The following PTPRG variants were observed in gnomAD, a reference collection of about 807,000 sequenced individuals.
The protein encoded by PTPRG is protein tyrosine phosphatase receptor type G.
PTPRG carries 102 observed loss-of-function variants against 165.3 expected under a neutral mutation model. That is an observed-to-expected ratio of 0.62 (90% CI 0.53 to 0.73). PTPRG has a LOEUF of 0.73. PTPRG is among the 30% of genes least tolerant of loss of function. The pLI is 0.00. For missense variants in PTPRG, 1,866 were observed against 1,861.4 expected (o/e 1.00, Z -0.05); for synonymous variants, 675 against 669.5 (o/e 1.01, Z -0.13).
At chr3:61,954,096 T>G (rs757833306) in intron 2 of PTPRG, among the ~76,000 whole-genome samples, 10 of 152,162 alleles carry the variant, frequency 6.6e-5, no homozygotes, top group Admixed American at 1.3e-4. Context: ...TTGAGAGTAA[T>G]TTTGACGATG....
chr3:61,796,265 G>C (rs900455457), intron 2 of PTPRG, among the ~76,000 whole-genome samples: 1 of 152,182 alleles, frequency 6.6e-6, no homozygotes, highest in African/African-American at 2.4e-5. Context: ...AACTCGTTAG[G>C]TTTCCTGAGC....
Position 61,749,085 on chromosome 3 carries a change from G to T in PTPRG, c.190+103G>T, listed in dbSNP as rs539710634. The T allele has an allele frequency of 2.3e-5, 22 of 958,416 alleles. No homozygotes were observed. In the East Asian group the frequency reaches 5.2e-4, roughly 22 times the overall value. 59.4% of individuals were successfully genotyped at this position (958,416 alleles called of 1,614,324 possible). On this transcript the variant is annotated intron_variant, in intron 2 of 29. Coordinates refer to ENST00000474889, the MANE Select transcript of PTPRG (RefSeq NM_002841.4). The stretch of plus-strand genomic sequence containing the variant: ...TCACTTTTATGCCTGAGTTCTGTTT[G>T]CTCAAATCTTTCGTAGTTCACTAAA...
chr3:61,738,258 TTA>T (rs1206672812), intron 1 of PTPRG, among the ~76,000 whole-genome samples: 22 of 8,652 alleles, frequency 2.5e-3, no homozygotes, highest in Admixed American at 9.6e-3. Flanking sequence ...TTGTCCATTT[TTA>T]TATATATATA....
intron 5 of PTPRG, among the ~76,000 whole-genome samples, chr3:62,084,989 G>T (rs563074206): frequency 2.0e-5 from 3 of 152,088 alleles, no homozygotes; most frequent in African/African-American, 7.2e-5. Context: ...TAGCTTATTA[G>T]CTACAAATTA....
chr3:61,719,386 G>A (rs1384529201), intron 1 of PTPRG, among the ~76,000 whole-genome samples: 1 of 152,138 alleles, frequency 6.6e-6, no homozygotes. Context: ...GACTGGTGTC[G>A]AGGTCTTTTC....
chr3:61,726,367 CAT>C (rs1559576631), intron 1 of PTPRG, among the ~76,000 whole-genome samples: 18 of 151,948 alleles, frequency 1.2e-4, no homozygotes, highest in East Asian at 9.7e-4. Flanking sequence ...GTTGAAAATA[CAT>C]AGGATTTGGT....
At position 62,150,745 on chromosome 3, in the gene PTPRG, T is replaced by C. The variant is rs143145509; in HGVS notation, c.683-6322T>C. Among the ~76,000 whole-genome samples, 11 of 152,322 alleles carry C rather than the reference T, an allele frequency of 7.2e-5. No individual in the cohort carries two copies. The East Asian group carries it at 2.1e-3, about 29-fold the overall frequency. On this transcript the variant is annotated intron_variant, in intron 6 of 29. Coordinates refer to ENST00000474889, the MANE Select transcript of PTPRG (RefSeq NM_002841.4). ...CTAAAAACAGAAGCTTGGGCTTTCA[T>C]ACACTTTCCTAAAATTAATTGGTCC...
intron 1 of PTPRG, among the ~76,000 whole-genome samples, chr3:61,747,764 T>C (rs2033267717): frequency 6.6e-6 from 1 of 152,228 alleles, no homozygotes; most frequent in Non-Finnish European, 1.5e-5. Flanking sequence ...TTCAATTGAA[T>C]ATACAGCTTC....
At chr3:61,672,310 G>A (rs1298012996) in intron 1 of PTPRG, among the ~76,000 whole-genome samples, 9 of 145,576 alleles carry the variant, frequency 6.2e-5, no homozygotes. Flanking sequence ...TCACTTCCCA[G>A]ACGGGGTGGC....
Position 62,271,297 on chromosome 3 carries a change from G to C in PTPRG, c.3010-86G>C. The C allele has an allele frequency of 1.7e-6, 2 of 1,157,400 alleles. No individual in the cohort carries two copies. Among genetic ancestry groups the C allele is most frequent in the Non-Finnish European group, 2.5e-6 (2 of 811,966 alleles). 71.7% of individuals were successfully genotyped at this position (1,157,400 alleles called of 1,614,324 possible). A position where few individuals can be genotyped will look rare whatever the true frequency, so the allele number is the denominator to read the frequency against. ...GTGATTAGGGTGAATGTGATCAGTG[G>C]TCATGTGTCCTGACACCCTTACATT... is the stretch of plus-strand genomic sequence containing the variant. On this transcript the variant is annotated intron_variant, in intron 20 of 29. Coordinates refer to ENST00000474889, the MANE Select transcript of PTPRG (RefSeq NM_002841.4). The surrounding 1 kb of genome is among the most constrained non-coding windows in gnomAD (Gnocchi z 4.1).
At chr3:62,045,078 GAAACTCA>G (rs1700246346) in intron 4 of PTPRG, among the ~76,000 whole-genome samples, 1 of 152,174 alleles carries the variant, frequency 6.6e-6, no homozygotes, top group African/African-American at 2.4e-5. Context: ...GCCATTTCAT[GAAACTCA>G]TAGTAGTTGT....
rs552368648 is a variant in PTPRG, at chr3:61,947,141, A to G, written c.191-42484A>G. 3.9e-5 allele frequency among the ~76,000 whole-genome samples: 6 copies of G among 152,296 alleles called. No individual in the cohort carries two copies. The East Asian group carries it at 9.7e-4, about 25-fold the overall frequency. The stretch of plus-strand genomic sequence containing the variant: ...TAGCAATGATAATTAGTCCAGCTTA[A>G]TCACGTGGGCATTTGAGCTTTTGAT... On this transcript the variant is annotated intron_variant, in intron 2 of 29. Coordinates refer to ENST00000474889, the MANE Select transcript of PTPRG (RefSeq NM_002841.4).
At chr3:62,114,424 C>A (rs1702786535) in intron 5 of PTPRG, among the ~76,000 whole-genome samples, 1 of 152,068 alleles carries the variant, frequency 6.6e-6, no homozygotes, top group African/African-American at 2.4e-5. Context: ...ATCAGTTGAC[C>A]ATATTCTCAT....
At chr3:61,992,049 C>T (rs2040906215) in intron 3 of PTPRG, among the ~76,000 whole-genome samples, 1 of 152,130 alleles carries the variant, frequency 6.6e-6, no homozygotes, top group African/African-American at 2.4e-5. Flanking sequence ...CCATCAGTCT[C>T]AGAAATTTCA....
chr3:61,706,596 C>T (rs2031271423), intron 1 of PTPRG, among the ~76,000 whole-genome samples: 1 of 151,478 alleles, frequency 6.6e-6, no homozygotes, highest in Admixed American at 6.6e-5. Context: ...GGGGTTCAAG[C>T]GATTCTCTTG....
chr3:61,812,461 C>T (rs1263878241), intron 2 of PTPRG, among the ~76,000 whole-genome samples: 4 of 152,128 alleles, frequency 2.6e-5, no homozygotes, highest in Admixed American at 2.6e-4. Flanking sequence ...AATGAAAACC[C>T]ACCAGTTTAA....
At position 61,748,471 on chromosome 3, in the gene PTPRG, C is replaced by A. The variant is rs141142912; in HGVS notation, c.86-407C>A. ...GTAAACTTATACATGCAGTTGGAAC[C>A]GAAGTCTACCAGTTAGTTGTATGTA... On this transcript the variant is annotated intron_variant, in intron 1 of 29. Transcript: ENST00000474889. 7.9e-5 allele frequency among the ~76,000 whole-genome samples: 12 copies of A among 152,270 alleles called. 1 individual carries two copies. Among genetic ancestry groups the A allele is most frequent in the African/African-American group, 2.9e-4 (12 of 41,556 alleles).
chr3:62,244,043 G>A, intron 15 of PTPRG, 145 bp downstream of exon 15: 1 of 557,210 alleles, frequency 1.8e-6, no homozygotes, highest in Non-Finnish European at 3.2e-6. Context: ...ACAAATAACT[G>A]AGTTAATGTA....
At chr3:61,736,701 A>G (rs4688662) in intron 1 of PTPRG, among the ~76,000 whole-genome samples, 1 of 152,114 alleles carries the variant, frequency 6.6e-6, no homozygotes, top group East Asian at 1.9e-4. Context: ...CTTAACAATG[A>G]TTCGTCTTGA....
Sources: allele counts gnomAD v4.1 joint callset (sites outside exome capture counted in the v4.1 genomes callset), GRCh38; gene constraint gnomAD v4.1.1; non-coding constraint Gnocchi (gnomAD v3.1); transcripts MANE v1.5; gene names NCBI Gene and HGNC (gene_info 2026-07-23, HGNC 2026-07-21).